Variants in LRRC9 observed in about 807,000 individuals in gnomAD.
LRRC9 encodes the protein leucine-rich repeat-containing protein 9.
LRRC9 carries 122 observed loss-of-function variants against 63.2 expected under a neutral mutation model. The observed-to-expected ratio is 1.93, with a 90% confidence interval of 1.67 to 2.24. The LOEUF (loss-of-function observed/expected upper bound fraction) is 2.24, where lower values mean the gene tolerates loss of function less well. Ranked by LOEUF, LRRC9 falls within the 30% of genes most tolerant of loss-of-function variation. The probability of loss-of-function intolerance (pLI) is 0.00; values close to 1 mark genes in which losing one functional copy is unlikely to be tolerated. For synonymous variants in LRRC9, 366 were observed against 213.1 expected, an observed-to-expected ratio of 1.72 and a Z score of -6.25; for missense variants, 1,071 against 627.7, an observed-to-expected ratio of 1.71 and a Z score of -7.55.
intron 21 of LRRC9, among the ~76,000 whole-genome samples, chr14:60,005,483 C>T (rs1246009982): frequency 6.6e-6 from 1 of 152,040 alleles, no homozygotes. Context: ...CCCCTCTAAA[C>T]TTTAACAGGA....
At chr14:60,018,278 T>C (rs1332007185) in intron 24 of LRRC9, 93 bp from the exon 25 acceptor site, 1 of 665,620 alleles carries the variant, frequency 1.5e-6, no homozygotes, top group African/African-American at 1.8e-5. Context: ...ACTTTTTAAA[T>C]GTCTTTGGTG....
intron 7 of LRRC9, among the ~76,000 whole-genome samples, chr14:59,940,003 C>T (rs142261013): frequency 6.6e-6 from 1 of 151,938 alleles, no homozygotes; most frequent in East Asian, 1.9e-4. Context: ...GAAAGTGTGT[C>T]ACTTGGGTGT....
At chr14:59,946,552 T>A (rs1465711435) in intron 8 of LRRC9, among the ~76,000 whole-genome samples, 2 of 149,572 alleles carry the variant, frequency 1.3e-5, no homozygotes, top group African/African-American at 4.9e-5. Context: ...CATGTGCACA[T>A]TGTGCAGGTT....
rs1481991904 is a variant in LRRC9, at chr14:60,027,977, G to A, written c.3797G>A (p.Ser1266Asn). 1.4e-6 allele frequency: 1 copy of A among 701,892 alleles called. No individual in the cohort carries two copies. Among genetic ancestry groups the A allele is most frequent in the Admixed American group, 2.0e-5 (1 of 49,956 alleles). 43.5% of individuals were successfully genotyped at this position (701,892 alleles called of 1,614,324 possible). The change falls in exon 28 of 32, where the codon AGT becomes AAT. Residue 1266 changes from serine to asparagine, a missense_variant. Physicochemically the swap from Ser to Asn is conservative, Grantham distance 46. Transcript: ENST00000445360. The surrounding 1 kb of genome is among the most constrained non-coding windows in gnomAD (Gnocchi z 4.0). Reference sequence around the variant, plus strand: ...AACCGCATCCGATCATTTAATGACAGTGCTTTTGCCAAACCAAGTTCTTTA... The same window carrying A: ...AACCGCATCCGATCATTTAATGACAATGCTTTTGCCAAACCAAGTTCTTTA...
chr14:60,063,424 T>C (rs1894784228), exon 32 of LRRC9: 1 of 671,438 alleles, frequency 1.5e-6, no homozygotes. Flanking sequence ...GTACAAAAAC[T>C]AGCGGACAGT....
At chr14:59,980,858 G>GTT (rs1311559610) in intron 15 of LRRC9, among the ~76,000 whole-genome samples, 1 of 152,190 alleles carries the variant, frequency 6.6e-6, no homozygotes, top group Admixed American at 6.5e-5. Flanking sequence ...ATACCTGGCA[G>GTT]TTGTGACCAT....
chr14:59,956,445 A>C (rs546166540), intron 8 of LRRC9, among the ~76,000 whole-genome samples: 1 of 152,256 alleles, frequency 6.6e-6, no homozygotes, highest in African/African-American at 2.4e-5. Flanking sequence ...TTTATCAGAG[A>C]CTAGGATTGC....
rs1884450176 is a variant in LRRC9 at position 59,962,509 on chromosome 14, T to C, written c.1211+1464T>C. Among the ~76,000 whole-genome samples the C allele has an allele frequency of 6.6e-6, 1 of 151,954 alleles. No homozygotes were observed. The highest frequency in any genetic ancestry group is 1.5e-5 in the Non-Finnish European group (1 of 67,998). ...ACCTCTGCCTCCCAGGTTCAAGCGA[T>C]TCTCCTGCCTCAGACTCCCGAGTAG... On this transcript the variant is annotated intron_variant, in intron 10 of 31. Transcript: ENST00000445360. The surrounding 1 kb of genome is among the most constrained non-coding windows in gnomAD (Gnocchi z 5.1).
At chr14:59,988,557 G>A (rs541924393) in intron 17 of LRRC9, among the ~76,000 whole-genome samples, 2 of 152,018 alleles carry the variant, frequency 1.3e-5, no homozygotes, top group African/African-American at 4.8e-5. Flanking sequence ...TGTTGTACAC[G>A]CAACAGTGTC....
At chr14:59,937,983 G>A (rs1463715428) in intron 6 of LRRC9, among the ~76,000 whole-genome samples, 1 of 152,138 alleles carries the variant, frequency 6.6e-6, no homozygotes, top group Non-Finnish European at 1.5e-5. Context: ...GAGGCAGCGA[G>A]GATGAAGAGG....
rs747686014 is a variant in LRRC9, at chr14:60,058,068, GAAATAA to G, written c.4276+52_4276+57del. ...AGAATGTAAAAGAATCACTTAATTT[GAAATAA>G]AAATATCACTTTAATTTCTAATAGT... On this transcript the variant is annotated intron_variant, in intron 31 of 31. Transcript: ENST00000445360. This position sits in a 1 kb window ranked among gnomAD's most constrained non-coding sequence, Gnocchi z 4.4. 1 of 506,900 alleles carries G rather than the reference GAAATAA, an allele frequency of 2.0e-6. No homozygotes were observed. The allele number at this position is 506,900 out of a possible 1,614,324, so 31.4% of individuals were successfully genotyped here. A position where few individuals can be genotyped will look rare whatever the true frequency, so the allele number is the denominator to read the frequency against.
In LRRC9 at chr14:59,938,397, C is replaced by T. The variant is rs144797420; in HGVS notation, c.551C>T (p.Thr184Met). 78 of 682,442 alleles carry T rather than the reference C, an allele frequency of 1.1e-4. No homozygotes were observed. Among genetic ancestry groups the T allele is most frequent in the African/African-American group, 9.1e-4 (51 of 55,918 alleles). The allele number at this position is 682,442 out of a possible 1,614,324, so 42.3% of individuals were successfully genotyped here. ...TCTTTGCTGGCATTTTAGGAACTCA[C>T]GAACTTAACCAGGCTGCCTTGCTTA... Residue 184 changes from threonine to methionine, a missense_variant, in exon 7 of 32, where the codon ACG becomes ATG. Transcript: ENST00000445360. This position sits in a 1 kb window ranked among gnomAD's most constrained non-coding sequence, Gnocchi z 4.2.
exon 3 of LRRC9, chr14:59,928,402 T>C: frequency 1.4e-6 from 1 of 698,402 alleles, no homozygotes. Flanking sequence ...GTCTTACCAT[T>C]GTTGCTCAAG....
rs981579312 is a variant in LRRC9, at chr14:60,004,587, A to C, written c.2842+789A>C. 6.6e-6 allele frequency among the ~76,000 whole-genome samples: 1 copy of C among 152,106 alleles called. No individual in the cohort carries two copies. Among genetic ancestry groups the C allele is most frequent in the East Asian group, 1.9e-4 (1 of 5,200 alleles). On this transcript the variant is annotated intron_variant, in intron 21 of 31. Transcript: ENST00000445360. The surrounding 1 kb of genome is among the most constrained non-coding windows in gnomAD (Gnocchi z 4.8). ...CTCCCTTTCCCCTTCCAAGCTTCTT[A>C]GATTCTTCACTTCATTTGGATTTAT...
At chr14:60,044,540 T>C (rs985610839) in intron 29 of LRRC9, among the ~76,000 whole-genome samples, 17 of 152,230 alleles carry the variant, frequency 1.1e-4, no homozygotes, top group African/African-American at 3.9e-4. Context: ...CCCTTCTTCA[T>C]TGACCCACTG....
At position 59,977,632 on chromosome 14, in the gene LRRC9, G is replaced by T. The variant is rs181930352; in HGVS notation, c.1762+285G>T. Among the ~76,000 whole-genome samples the T allele has an allele frequency of 1.5e-4, 23 of 151,226 alleles. No individual in the cohort carries two copies. In the South Asian group the frequency reaches 4.8e-3, roughly 32 times the overall value. On this transcript the variant is annotated intron_variant, in intron 14 of 31. Transcript: ENST00000445360. Reference sequence around the variant, plus strand: ...TTTTCAAAGAATTAAAAAAGCACCCGACTTTTAACAAGAGTTTTAGAGAAA... The same window carrying T: ...TTTTCAAAGAATTAAAAAAGCACCCTACTTTTAACAAGAGTTTTAGAGAAA...
At chr14:59,994,395 A>G (rs1378156371) in intron 17 of LRRC9, among the ~76,000 whole-genome samples, 19 of 152,058 alleles carry the variant, frequency 1.2e-4, no homozygotes, top group Non-Finnish European at 7.4e-5. Flanking sequence ...AAATAGGAAC[A>G]CTTTTACACT....
chr14:60,023,259 A>C (rs1891256195), intron 27 of LRRC9, among the ~76,000 whole-genome samples: 1 of 152,108 alleles, frequency 6.6e-6, no homozygotes, highest in African/African-American at 2.4e-5. Flanking sequence ...GTAGCTTAAG[A>C]TCTATCTGTG....
Position 59,922,881 on chromosome 14 carries a change from A to G in LRRC9, c.-34+2998A>G, listed in dbSNP as rs1888902416. ...GAAGATCTAACTGAAGTTAGAGGCA[A>G]TGCATTTGTAGTGACTTCAGCTCCA... On this transcript the variant is annotated intron_variant, in intron 1 of 31. Coordinates refer to ENST00000445360, the Ensembl canonical transcript of LRRC9. The surrounding 1 kb of genome is among the most constrained non-coding windows in gnomAD (Gnocchi z 5.3). Among the ~76,000 whole-genome samples the G allele has an allele frequency of 6.6e-6, 1 of 152,228 alleles. No homozygotes were observed. The highest frequency in any genetic ancestry group is 1.5e-5 in the Non-Finnish European group (1 of 68,040).
Sources: gnomAD v4.1 joint callset for allele counts (sites outside exome capture counted in the v4.1 genomes callset) on GRCh38, gnomAD v4.1.1 for gene constraint, Gnocchi (gnomAD v3.1) non-coding constraint, MANE v1.5 for transcripts, NCBI Gene and HGNC (gene_info 2026-07-23, HGNC 2026-07-21) for gene names.